RP1: variants seen among roughly 807,000 people sequenced by gnomAD.
RP1 encodes the protein oxygen-regulated protein 1.
A neutral mutation model predicts 14.8 loss-of-function variants in RP1; 16 were observed. That is an observed-to-expected ratio of 1.08 (90% confidence interval 0.73 to 1.65). The LOEUF (loss-of-function observed/expected upper bound fraction) is 1.65, where lower values mean the gene tolerates loss of function less well. Among genes scored for constraint, RP1 ranks in the 40% most tolerant of loss-of-function variants. RP1 has a pLI of 0.00. For synonymous variants in RP1, 876 were observed against 883.6 expected (o/e 0.99, Z 0.15); for missense variants, 2,631 against 2,535.0 (o/e 1.04, Z -0.81).
chr8:54,722,010 A>C (rs1297198386), intron 16 of RP1, among the ~76,000 whole-genome samples: 2 of 152,080 alleles, frequency 1.3e-5, no homozygotes, highest in African/African-American at 4.8e-5. Context: ...TGGGAGGCCA[A>C]GATGGGTGGA....
At chr8:54,844,436 G>A (rs748185545) in intron 25 of RP1, among the ~76,000 whole-genome samples, 24 of 152,186 alleles carry the variant, frequency 1.6e-4, no homozygotes, top group Non-Finnish European at 2.5e-4. Flanking sequence ...TTTCACTGGG[G>A]TGTAATGCTG....
chr8:54,727,521 T>C (rs1448937096), intron 17 of RP1, among the ~76,000 whole-genome samples: 1 of 152,128 alleles, frequency 6.6e-6, no homozygotes, highest in African/African-American at 2.4e-5. Context: ...ACCTTCTATA[T>C]GTCTTATGAA....
chr8:54,714,559 A>G (rs571184231), intron 15 of RP1, among the ~76,000 whole-genome samples: 5 of 152,142 alleles, frequency 3.3e-5, no homozygotes, highest in Admixed American at 2.6e-4. Flanking sequence ...TCAGCTCCCT[A>G]TGATTTCATC....
chr8:54,729,738 A>G (rs1808746568), intron 17 of RP1, among the ~76,000 whole-genome samples: 1 of 152,014 alleles, frequency 6.6e-6, no homozygotes, highest in Admixed American at 6.6e-5. Context: ...CATAATAAAT[A>G]TTTTAAATAA....
chr8:54,624,576 T>A, intron 3 of RP1, 94 bp from the exon 4 acceptor site: 1 of 1,258,690 alleles, frequency 7.9e-7, no homozygotes, highest in Middle Eastern at 2.6e-4. Flanking sequence ...TTCTCTTTCT[T>A]TTTTTGCTGC....
intron 24 of RP1, among the ~76,000 whole-genome samples, chr8:54,788,230 T>C (rs1302421762): frequency 6.6e-6 from 1 of 152,238 alleles, no homozygotes; most frequent in East Asian, 1.9e-4. Context: ...GGAAGGAATA[T>C]AGGAAAACAA....
At chr8:54,726,551 A>G in intron 17 of RP1, 1 of 1,433,366 alleles carries the variant, frequency 7.0e-7, no homozygotes, top group East Asian at 2.5e-5. Context: ...TTGCAGGAAG[A>G]CTATTAAATT....
rs148458501 is a variant in RP1 at position 54,621,126 on chromosome 8, G to A, written c.160G>A (p.Val54Met). 192 of 1,614,058 alleles carry A rather than the reference G, an allele frequency of 1.2e-4. No individual in the cohort carries two copies. The highest frequency in any genetic ancestry group is 1.5e-4 in the Non-Finnish European group (174 of 1,180,050). Residue 54 changes from valine (V) to methionine (M), a missense_variant, in exon 2 of 4, where the codon GTG (valine) becomes ATG (methionine). Transcript: ENST00000220676. ...GDPQFGGVRV[V>M]VNPRSFKSFD... ...CCCCCAATTCGGCGGGGTCAGGGTG[G>A]TGGTCAACCCTCGCTCCTTTAAGTC...
intron 12 of RP1, among the ~76,000 whole-genome samples, chr8:54,697,301 T>C (rs1215025791): frequency 6.6e-6 from 1 of 152,140 alleles, no homozygotes; most frequent in Non-Finnish European, 1.5e-5. Flanking sequence ...ATGCCTGTAA[T>C]CCCAGAACTT....
At chr8:54,564,744 A>C (rs1300520659) in intron 1 of RP1, among the ~76,000 whole-genome samples, 1 of 152,142 alleles carries the variant, frequency 6.6e-6, no homozygotes, top group Non-Finnish European at 1.5e-5. Flanking sequence ...GAGACCCAGC[A>C]CACCTGATTG....
chr8:54,728,644 A>C (rs916171446), intron 17 of RP1, among the ~76,000 whole-genome samples: 1 of 152,210 alleles, frequency 6.6e-6, no homozygotes, highest in African/African-American at 2.4e-5. Context: ...TTTAGAACTT[A>C]AAATAGCACA....
intron 6 of RP1, among the ~76,000 whole-genome samples, chr8:54,658,289 C>G (rs1314123897): frequency 6.7e-6 from 1 of 149,820 alleles, no homozygotes; most frequent in Non-Finnish European, 1.5e-5. Flanking sequence ...CGGTGGCTCA[C>G]GCCTGTAATC....
At chr8:54,604,868 T>C (rs891572245) in intron 1 of RP1, among the ~76,000 whole-genome samples, 1 of 152,234 alleles carries the variant, frequency 6.6e-6, no homozygotes, top group Non-Finnish European at 1.5e-5. Context: ...TGTATTTCTG[T>C]GGGATCGGCG....
Position 54,857,151 on chromosome 8 carries a change from GA to G in RP1, c.4069+50del, listed in dbSNP as rs1473637929. On this transcript the variant is annotated intron_variant, in intron 27 of 28. Coordinates refer to the RP1 transcript ENST00000637698. The stretch of plus-strand genomic sequence containing the variant: ...TAAGAAGTTTATTTTGCAAATTTAT[GA>G]AAAATCGTATAAGAAGCAGGTGAAA... The G allele has an allele frequency of 3.6e-5, 30 of 834,842 alleles. No individual in the cohort carries two copies. In the Admixed American group the frequency reaches 1.1e-3, roughly 29 times the overall value. The allele number at this position is 834,842 out of a possible 1,614,324, so 51.7% of individuals were successfully genotyped here. A position where few individuals can be genotyped will look rare whatever the true frequency, so the allele number is the denominator to read the frequency against.
Position 54,626,926 on chromosome 8 carries a change from C to G in RP1, c.3044C>G (p.Ala1015Gly). ...ACACAGGTTGGATCTCTGAATGATG[C>G]TTATTTGGTTCCCCTGCATGAACAC... ...HETQVGSLND[A>G]YLVPLHEHCT... is the part of the protein sequence containing the mutation. The change falls in exon 4 of 4, where the codon GCT becomes GGT. Residue 1015 changes from alanine to glycine, a missense_variant. Ala to Gly is a moderately conservative substitution (Grantham distance 60, BLOSUM62 0). Transcript: ENST00000220676. The G allele has an allele frequency of 6.2e-7, 1 of 1,613,926 alleles. No homozygotes were observed. The highest frequency in any genetic ancestry group is 8.5e-7 in the Non-Finnish European group (1 of 1,179,956).
downstream of RP1, among the ~76,000 whole-genome samples, chr8:54,634,863 C>T (rs1018044515): frequency 3.9e-5 from 6 of 152,052 alleles, no homozygotes; most frequent in Non-Finnish European, 1.5e-5. Flanking sequence ...GGGCGGATCA[C>T]GAGGTCAAGA....
Position 54,761,233 on chromosome 8 carries a change from C to CTTT in RP1, c.3248+2176_3248+2178dup, listed in dbSNP as rs71554177. 3.7e-4 allele frequency among the ~76,000 whole-genome samples: 40 copies of CTTT among 109,148 alleles called. 1 individual carries two copies. The highest frequency in any genetic ancestry group is 4.6e-4 in the Non-Finnish European group (25 of 54,868). 71.6% of individuals were successfully genotyped at this position (109,148 alleles called of 152,430 possible). On this transcript the variant is annotated intron_variant, in intron 22 of 22. Coordinates refer to the RP1 transcript ENST00000636932. The stretch of plus-strand genomic sequence containing the variant: ...ACCCATCATTTCTTGCGCTACCTTA[C>CTTT]TTTTTTTTTTTTTTTTTTTTTGAGA...
intron 24 of RP1, among the ~76,000 whole-genome samples, chr8:54,829,867 T>C (rs1277793817): frequency 1.2e-4 from 18 of 152,202 alleles, no homozygotes; most frequent in Admixed American, 1.1e-3. Flanking sequence ...TCATGTGGAA[T>C]GATTCTGGGG....
chr8:54,823,369 T>C (rs951975109), intron 24 of RP1, among the ~76,000 whole-genome samples: 5 of 152,220 alleles, frequency 3.3e-5, no homozygotes, highest in Admixed American at 2.0e-4. Flanking sequence ...CTCCCTCTGT[T>C]GCCCAGACTG....
Sources: gnomAD v4.1 joint callset for allele counts (sites outside exome capture counted in the v4.1 genomes callset) on GRCh38, gnomAD v4.1.1 for gene constraint, MANE v1.5 for transcripts, NCBI Gene and HGNC (gene_info 2026-07-23, HGNC 2026-07-21) for gene names.